BCAR3: variants seen among roughly 807,000 people sequenced by gnomAD.
BCAR3 encodes the protein BCAR3 adaptor protein, NSP family member.
In BCAR3, 37 loss-of-function variants were observed where a neutral mutation model predicts 80.1. That is an observed-to-expected ratio of 0.46 (90% CI 0.36 to 0.61). The LOEUF (loss-of-function observed/expected upper bound fraction) is 0.61, where lower values mean the gene tolerates loss of function less well. Ranked by LOEUF, BCAR3 falls within the 20% of genes least tolerant of loss-of-function variation. BCAR3 has a pLI of 0.00. For synonymous variants in BCAR3, 389 were observed against 418.9 expected (o/e 0.93, Z 0.87); for missense variants, 978 against 1,068.2 (o/e 0.92, Z 1.18).
chr1:93,735,195 C>A (rs558082659), intron 2 of BCAR3, among the ~76,000 whole-genome samples: 1 of 152,340 alleles, frequency 6.6e-6, no homozygotes, highest in South Asian at 2.1e-4. Context: ...CTGGTGCCCC[C>A]TCTGGCCTGG....
upstream of BCAR3, chr1:93,847,309 G>A (rs1467513997): frequency 5.9e-6 from 1 of 168,312 alleles, no homozygotes; most frequent in Admixed American, 6.5e-5. Context: ...GACCGTGAAG[G>A]GGACCGGGTT....
chr1:93,668,703 TTTTTTTTTTTTC>T (rs1273094319), intron 2 of BCAR3, among the ~76,000 whole-genome samples: 1 of 139,974 alleles, frequency 7.1e-6, no homozygotes, highest in Non-Finnish European at 1.5e-5. Context: ...TAATAAAAGC[TTTTTTTTTTTTC>T]TTTTTTTTTT....
chr1:93,741,376 G>A (rs896449725), intron 2 of BCAR3, among the ~76,000 whole-genome samples: 13 of 152,258 alleles, frequency 8.5e-5, no homozygotes, highest in Admixed American at 5.9e-4. Context: ...GCCTCACTGT[G>A]ACACTTGTTA....
chr1:93,764,823 C>T (rs987714683), intron 2 of BCAR3, among the ~76,000 whole-genome samples: 2 of 152,132 alleles, frequency 1.3e-5, no homozygotes, highest in African/African-American at 4.8e-5. Flanking sequence ...CTGTATATGC[C>T]CCTGATTGAG....
intron 2 of BCAR3, among the ~76,000 whole-genome samples, chr1:93,744,342 G>C (rs894759168): frequency 1.3e-5 from 2 of 152,028 alleles, no homozygotes; most frequent in Non-Finnish European, 2.9e-5. Flanking sequence ...TTTCAACAGG[G>C]GTAAATACCC....
intron 2 of BCAR3, among the ~76,000 whole-genome samples, chr1:93,765,428 G>C (rs1340662993): frequency 6.6e-6 from 1 of 152,082 alleles, no homozygotes; most frequent in Non-Finnish European, 1.5e-5. Context: ...CCATCTCTAG[G>C]ATCACCAGTC....
intron 2 of BCAR3, among the ~76,000 whole-genome samples, chr1:93,796,428 T>A (rs536635217): frequency 2.7e-5 from 4 of 147,792 alleles, no homozygotes; most frequent in East Asian, 2.0e-4. Context: ...TCCAGGTGCG[T>A]CCGTCACCCC....
At chr1:93,755,677 TA>T (rs1479680026) in intron 2 of BCAR3, among the ~76,000 whole-genome samples, 1 of 152,140 alleles carries the variant, frequency 6.6e-6, no homozygotes, top group Admixed American at 6.6e-5. Context: ...TAAAATCACC[TA>T]ATAATGCATT....
intron 2 of BCAR3, among the ~76,000 whole-genome samples, chr1:93,649,680 G>A (rs1676261777): frequency 6.6e-6 from 1 of 152,030 alleles, no homozygotes; most frequent in Non-Finnish European, 1.5e-5. Context: ...AAGAGTTACA[G>A]TCACAAATCT....
intron 2 of BCAR3, among the ~76,000 whole-genome samples, chr1:93,740,717 G>A (rs369702686): frequency 2.6e-5 from 4 of 152,040 alleles, no homozygotes; most frequent in East Asian, 1.9e-4. Flanking sequence ...GGGAAGAGGC[G>A]GCCTTTCCCA....
chr1:93,811,637 C>G (rs1229042312), intron 2 of BCAR3, among the ~76,000 whole-genome samples: 1 of 152,236 alleles, frequency 6.6e-6, no homozygotes, highest in Non-Finnish European at 1.5e-5. Flanking sequence ...CTGTTGTTAA[C>G]TGATGCTCCA....
chr1:93,571,616 C>G (rs1673219707), intron 9 of BCAR3, 54 bp downstream of exon 9: 1 of 1,597,082 alleles, frequency 6.3e-7, no homozygotes, highest in Non-Finnish European at 8.6e-7. Context: ...CCAAACATGG[C>G]ATGCAGATCT....
chr1:93,604,064 C>T (rs1013637933), intron 3 of BCAR3, among the ~76,000 whole-genome samples: 5 of 152,232 alleles, frequency 3.3e-5, no homozygotes, highest in Non-Finnish European at 5.9e-5. Context: ...AAAGATTCTG[C>T]AGATGGGTTT....
At position 93,674,620 on chromosome 1, in the gene BCAR3, G is replaced by A; in HGVS notation, c.311C>T (p.Thr104Ile). 3 of 1,612,414 alleles carry A rather than the reference G, an allele frequency of 1.9e-6. No individual in the cohort carries two copies. The highest frequency in any genetic ancestry group is 2.7e-5 in the African/African-American group (2 of 74,896). Reference protein sequence around the residue: ...PWQDRHGETFTFRDPHLLDPT... With the variant: ...PWQDRHGETFIFRDPHLLDPT... ...GTGAAATTACAGAAGTTACCTGAAG[G>A]TGAAGGTTTCGCCGTGCCGGTCCTG... Residue 104 changes from threonine (T) to isoleucine (I), a missense_variant, in exon 2 of 12, where the codon ACC becomes ATC. Thr to Ile is a moderately conservative substitution (Grantham distance 89). Transcript: ENST00000260502.
At chr1:93,788,963 C>A (rs1417724208) in intron 2 of BCAR3, among the ~76,000 whole-genome samples, 2 of 151,860 alleles carry the variant, frequency 1.3e-5, no homozygotes, top group Non-Finnish European at 2.9e-5. Context: ...TAAAATATTC[C>A]CTCCCTTCCT....
chr1:93,701,882 A>G (rs980805159), intron 3 of BCAR3, among the ~76,000 whole-genome samples: 10 of 152,158 alleles, frequency 6.6e-5, no homozygotes, highest in African/African-American at 2.4e-4. Flanking sequence ...CCTTAAGAAC[A>G]TGTGAGCCAC....
intron 2 of BCAR3, among the ~76,000 whole-genome samples, chr1:93,769,035 G>A (rs1282533953): frequency 6.6e-6 from 1 of 152,220 alleles, no homozygotes; most frequent in Admixed American, 6.5e-5. Context: ...GCGCTGGCTG[G>A]AAAAGGTCCT....
intron 3 of BCAR3, among the ~76,000 whole-genome samples, chr1:93,605,752 T>C (rs1674754112): frequency 6.6e-6 from 1 of 152,248 alleles, no homozygotes; most frequent in African/African-American, 2.4e-5. Context: ...ATCAACTTAA[T>C]TCAAATACTC....
At chr1:93,585,243 G>A (rs1673895847) in intron 5 of BCAR3, 2 of 981,924 alleles carry the variant, frequency 2.0e-6, no homozygotes, top group Non-Finnish European at 2.4e-6. Context: ...CAGGGCAGGT[G>A]GCACCTGGCC....
Sources: gnomAD v4.1 joint callset for allele counts (sites outside exome capture counted in the v4.1 genomes callset) on GRCh38, gnomAD v4.1.1 for gene constraint, MANE v1.5 for transcripts, NCBI Gene and HGNC (gene_info 2026-07-23, HGNC 2026-07-21) for gene names.